KCNA3: variants seen among roughly 807,000 people sequenced by gnomAD.
KCNA3 encodes the protein potassium voltage-gated channel subfamily A member 3, also known as RP11-284N8.3.
KCNA3 carries 18 observed loss-of-function variants against 34.3 expected under a neutral mutation model. The observed-to-expected ratio is 0.52, with a 90% CI of 0.36 to 0.78. The LOEUF is 0.78. Among genes scored for constraint, KCNA3 ranks in the 30% least tolerant of loss-of-function variants. The probability of loss-of-function intolerance (pLI) is 0.00; values close to 1 mark genes in which losing one functional copy is unlikely to be tolerated. For synonymous variants in KCNA3, 324 were observed against 351.7 expected, an observed-to-expected ratio of 0.92 and a Z score of 0.88; for missense variants, 587 against 802.5, an observed-to-expected ratio of 0.73 and a Z score of 3.24.
chr1:110,665,196 C>G, the KCNA3 span, among the ~76,000 whole-genome samples: 1 of 152,164 alleles, frequency 6.6e-6, no homozygotes. Context: ...AAGAATCACT[C>G]TGGTTATGTT....
chr1:110,674,433 G>A lies in KCNA3; in HGVS notation c.377C>T (p.Pro126Leu). ...CTTGGGGTCGCCCAGCAGCGTCTCG[G>A]GGAACTGGCAAAGGGTCTTCAGCTG... ...ETQLKTLCQF[P>L]ETLLGDPKRR... The change falls in exon 1 of 1, where the codon CCC becomes CTC. Residue 126 changes from proline to leucine, a missense_variant. Transcript: ENST00000369769. The surrounding 1 kb of genome is among the most constrained non-coding windows in gnomAD (Gnocchi z 6.4). The A allele has an allele frequency of 1.2e-6, 2 of 1,614,128 alleles. No individual in the cohort carries two copies. Among genetic ancestry groups the A allele is most frequent in the Non-Finnish European group, 1.7e-6 (2 of 1,180,008 alleles).
At chr1:110,669,264 ATTG>A (rs536840305), downstream of KCNA3, among the ~76,000 whole-genome samples, 117 of 152,320 alleles carry the variant, frequency 7.7e-4, 1 homozygote, top group Middle Eastern at 3.4e-3. Flanking sequence ...GCTATCATCT[ATTG>A]TTGATTAAAA....
chr1:110,665,094 TA>T, the KCNA3 span, among the ~76,000 whole-genome samples: 2 of 152,320 alleles, frequency 1.3e-5, no homozygotes, highest in East Asian at 3.9e-4. Flanking sequence ...CAGGCCATTG[TA>T]AAAAAGCCTT....
chr1:110,663,615 GTTACAATA>G, the KCNA3 span, among the ~76,000 whole-genome samples: 1 of 152,122 alleles, frequency 6.6e-6, no homozygotes, highest in Non-Finnish European at 1.5e-5. Context: ...AAGTGCCTTG[GTTACAATA>G]TTACATAAAA....
chr1:110,658,477 G>A, the KCNA3 span, among the ~76,000 whole-genome samples: 3 of 152,136 alleles, frequency 2.0e-5, no homozygotes, highest in Non-Finnish European at 2.9e-5. Flanking sequence ...TAAGGCTTAT[G>A]AAATAATATA....
chr1:110,669,693 C>T (rs1371623375), downstream of KCNA3, among the ~76,000 whole-genome samples: 1 of 152,216 alleles, frequency 6.6e-6, no homozygotes, highest in Non-Finnish European at 1.5e-5. Context: ...CTCCTGCTAG[C>T]TGTGAAGTCT....
chr1:110,665,723 A>T, the KCNA3 span, among the ~76,000 whole-genome samples: 292 of 152,256 alleles, frequency 1.9e-3, no homozygotes, highest in African/African-American at 6.5e-3. Context: ...AGTAAATAAG[A>T]TTAAGAAGGA....
In KCNA3 at chr1:110,673,412, G is replaced by A. The variant is rs1482722833; in HGVS notation, c.1398C>T (p.Ile466=). 2.5e-6 allele frequency: 4 copies of A among 1,614,110 alleles called. No individual in the cohort carries two copies. Among genetic ancestry groups the A allele is most frequent in the Admixed American group, 3.3e-5 (2 of 60,022 alleles). ...GGKIVGSLCA[I]AGVLTIALPV... ...GCAATGCGATGGTCAAGACACCGGC[G>A]ATGGCACAGAGAGATCCCACAATCT... Residue 466 remains isoleucine, a synonymous_variant, in exon 1 of 1, where the codon ATC becomes ATT. Transcript: ENST00000369769. The surrounding 1 kb of genome is among the most constrained non-coding windows in gnomAD (Gnocchi z 8.8).
At position 110,674,316 on chromosome 1, in the gene KCNA3, G is replaced by A; in HGVS notation, c.494C>T (p.Ser165Phe). Residue 165 changes from serine (S) to phenylalanine (F), a missense_variant, in exon 1 of 1, where the codon TCC becomes TTC. Coordinates refer to ENST00000369769, the MANE Select transcript of KCNA3 (RefSeq NM_002232.5). This position sits in a 1 kb window ranked among gnomAD's most constrained non-coding sequence, Gnocchi z 6.4. ...SFDAILYYYQSGGRIRRPVNV... is the reference protein window; with the variant it reads ...SFDAILYYYQFGGRIRRPVNV... ...GACCGGCCGGCGGATGCGGCCCCCG[G>A]ACTGATAGTAGTAGAGGATGGCGTC... is the stretch of plus-strand genomic sequence containing the variant. The A allele has an allele frequency of 6.2e-7, 1 of 1,614,206 alleles. No individual in the cohort carries two copies. The highest frequency in any genetic ancestry group is 1.1e-5 in the South Asian group (1 of 91,090).
rs1272194613 is a variant in KCNA3, at chr1:110,674,162, G to C, written c.648C>G (p.Phe216Leu). 1.2e-6 allele frequency: 2 copies of C among 1,613,476 alleles called. No individual in the cohort carries two copies. Among genetic ancestry groups the C allele is most frequent in the Non-Finnish European group, 1.7e-6 (2 of 1,179,710 alleles). Reference protein sequence around the residue: ...EEERPLPRRDFQRQVWLLFEY... With the variant: ...EEERPLPRRDLQRQVWLLFEY... ...CGAAGAGCAGCCACACCTGGCGCTG[G>C]AAGTCGCGGCGGGGCAAGGGCCGCT... Residue 216 changes from phenylalanine to leucine, a missense_variant, in exon 1 of 1, where the codon TTC becomes TTG. Phe to Leu is a conservative substitution (Grantham distance 22). This residue lies in a region of KCNA3 where 341 missense variants were observed against 355.4 expected (regional missense o/e 0.96). Coordinates refer to ENST00000369769, the MANE Select transcript of KCNA3 (RefSeq NM_002232.5). The surrounding 1 kb of genome is among the most constrained non-coding windows in gnomAD (Gnocchi z 6.4).
the KCNA3 span, chr1:110,653,804 A>G: frequency 6.6e-6 from 1 of 152,210 alleles, no homozygotes. Context: ...GTCAAAGGAT[A>G]AACAGAAAAA....
the KCNA3 span, among the ~76,000 whole-genome samples, chr1:110,664,046 T>C: frequency 6.6e-6 from 1 of 152,234 alleles, no homozygotes; most frequent in Non-Finnish European, 1.5e-5. Context: ...TGAAATCTAA[T>C]GTTTGATTCA....
chr1:110,670,165 T>C (rs1479007224), downstream of KCNA3, among the ~76,000 whole-genome samples: 1 of 152,186 alleles, frequency 6.6e-6, no homozygotes, highest in Non-Finnish European at 1.5e-5. Flanking sequence ...TTTAACCACT[T>C]TATTAAAAGC....
chr1:110,674,893 G>C lies in KCNA3; in HGVS notation c.-84C>G, dbSNP rs947565960. On this transcript the variant is annotated 5_prime_UTR_variant, in exon 1 of 1. Transcript: ENST00000369769. This position sits in a 1 kb window ranked among gnomAD's most constrained non-coding sequence, Gnocchi z 6.4. The stretch of plus-strand genomic sequence containing the variant: ...CTTTCGCCGCCTCCGCCCCCGAGCC[G>C]AGCCCACCGCCTGTTGCAGCCAAAG... The C allele has an allele frequency of 7.9e-7, 1 of 1,268,188 alleles. No homozygotes were observed. The highest frequency in any genetic ancestry group is 1.6e-5 in the African/African-American group (1 of 64,212). The allele number at this position is 1,268,188 out of a possible 1,614,324, so 78.6% of individuals were successfully genotyped here.
At chr1:110,656,330 C>CT in the KCNA3 span, 2 of 150,428 alleles carry the variant, frequency 1.3e-5, no homozygotes, top group African/African-American at 4.9e-5. Context: ...TTTTTTTTTA[C>CT]TTTTTTATGT....
the KCNA3 span, chr1:110,656,931 C>G: frequency 1.3e-5 from 2 of 152,098 alleles, no homozygotes; most frequent in Admixed American, 1.3e-4. Context: ...AGAAAGAATC[C>G]TATTTCCTTT....
chr1:110,670,942 T>G (rs1651865287), downstream of KCNA3, among the ~76,000 whole-genome samples: 1 of 152,210 alleles, frequency 6.6e-6, no homozygotes, highest in African/African-American at 2.4e-5. Context: ...AAGGATAGAA[T>G]AGTTATATGC....
At position 110,674,774 on chromosome 1, in the gene KCNA3, C is replaced by T. The variant is rs1394886861; in HGVS notation, c.36G>A (p.Pro12=). The T allele has an allele frequency of 6.7e-6, 9 of 1,340,432 alleles. No homozygotes were observed. Among genetic ancestry groups the T allele is most frequent in the Non-Finnish European group, 7.6e-6 (8 of 1,053,758 alleles). 83.0% of individuals were successfully genotyped at this position (1,340,432 alleles called of 1,614,324 possible). A position where few individuals can be genotyped will look rare whatever the true frequency, so the allele number is the denominator to read the frequency against. Residue 12 remains proline (P), a synonymous_variant, in exon 1 of 1, where the codon CCG becomes CCA. Transcript: ENST00000369769. This position sits in a 1 kb window ranked among gnomAD's most constrained non-coding sequence, Gnocchi z 6.4. ...DERLSLLRSP[P]PPSARHRAHP... Reference sequence around the variant, plus strand: ...GGGCGCGGTGGCGGGCTGAGGGCGGCGGCGGCGAGCGCAGAAGGCTGAGGC... The same window carrying T: ...GGGCGCGGTGGCGGGCTGAGGGCGGTGGCGGCGAGCGCAGAAGGCTGAGGC...
At position 110,674,690 on chromosome 1, in the gene KCNA3, G is replaced by A; in HGVS notation, c.120C>T (p.Tyr40=). ...GGAHTLVNHG[Y]AEPAAGRELP... is the part of the protein sequence containing the mutation. ...GCTCGCGGCCTGCGGCGGGCTCCGC[G>A]TAGCCGTGGTTCACCAGCGTGTGGG... The change falls in exon 1 of 1, where the codon TAC becomes TAT. Residue 40 remains tyrosine (Y), a synonymous_variant. Transcript: ENST00000369769. This position sits in a 1 kb window ranked among gnomAD's most constrained non-coding sequence, Gnocchi z 6.4. The A allele has an allele frequency of 6.7e-7, 1 of 1,499,394 alleles. No homozygotes were observed. The highest frequency in any genetic ancestry group is 2.2e-5 in the Admixed American group (1 of 45,898). The allele number at this position is 1,499,394 out of a possible 1,614,324, so 92.9% of individuals were successfully genotyped here. A position where few individuals can be genotyped will look rare whatever the true frequency, so the allele number is the denominator to read the frequency against.
Sources: allele counts gnomAD v4.1 joint callset (sites outside exome capture counted in the v4.1 genomes callset), GRCh38; gene constraint gnomAD v4.1.1; regional missense constraint gnomAD v4.1.1; non-coding constraint Gnocchi (gnomAD v3.1); transcripts MANE v1.5; gene names NCBI Gene and HGNC (gene_info 2026-07-23, HGNC 2026-07-21).